Variants in ADA2 observed in about 807,000 individuals in gnomAD.
The protein encoded by ADA2 is adenosine deaminase 2.
In ADA2, 29 loss-of-function variants were observed where a neutral mutation model predicts 44.2. The ratio of observed to expected loss-of-function variants is 0.66; its 90% CI spans 0.49 to 0.89. The LOEUF (loss-of-function observed/expected upper bound fraction) is 0.89, where lower values mean the gene tolerates loss of function less well. Among genes scored for constraint, ADA2 ranks in the 40% least tolerant of loss-of-function variants. The pLI is 0.00. For synonymous variants in ADA2, 215 were observed against 234.9 expected (o/e 0.92, Z 0.77); for missense variants, 637 against 644.8 (o/e 0.99, Z 0.13).
chr22:17,181,627 C>A, intron 9 of ADA2, 51 bp from the exon 10 acceptor site: 1 of 1,337,548 alleles, frequency 7.5e-7, no homozygotes, highest in Admixed American at 1.7e-5. Flanking sequence ...GGTTGGGGAA[C>A]GGGGCAGGGA....
intron 4 of ADA2, chr22:17,192,866 G>A (rs998315739): frequency 3.6e-5 from 16 of 443,408 alleles, no homozygotes; most frequent in African/African-American, 1.9e-4. Flanking sequence ...CTTCCTCGGC[G>A]CTGCCTACAG....
At chr22:17,205,166 T>C (rs1480544230) in intron 3 of ADA2, among the ~76,000 whole-genome samples, 2 of 152,108 alleles carry the variant, frequency 1.3e-5, no homozygotes, top group African/African-American at 4.8e-5. Flanking sequence ...TACAGGTGGC[T>C]GCCAGCATGC....
chr22:17,211,121 G>C (rs1176860359), intron 1 of ADA2, among the ~76,000 whole-genome samples: 1 of 152,094 alleles, frequency 6.6e-6, no homozygotes. Context: ...CAACACTTCA[G>C]GAGGCCGAGG....
chr22:17,183,459 T>A lies in ADA2; in HGVS notation c.1082-698A>T, dbSNP rs1299509412. 3.7e-4 allele frequency among the ~76,000 whole-genome samples: 52 copies of A among 140,502 alleles called. 2 individuals are homozygous for A. Among genetic ancestry groups the A allele is most frequent in the African/African-American group, 6.4e-4 (24 of 37,780 alleles). The allele number at this position is 140,502 out of a possible 152,430, so 92.2% of individuals were successfully genotyped here. A position where few individuals can be genotyped will look rare whatever the true frequency, so the allele number is the denominator to read the frequency against. On this transcript the variant is annotated intron_variant, in intron 7 of 9. Coordinates refer to ENST00000399837, the MANE Select transcript of ADA2 (RefSeq NM_001282225.2). The stretch of plus-strand genomic sequence containing the variant: ...CTTCTTCCTCTTTTGTGGCACTCTT[T>A]TTTTTTTTTTTTTTTTTTTGAGACG...
intron 2 of ADA2, 115 bp from the exon 3 acceptor site, chr22:17,207,405 G>A (rs940470251): frequency 9.7e-6 from 7 of 722,842 alleles, no homozygotes; most frequent in African/African-American, 3.5e-5. Flanking sequence ...GGGCTGTGGG[G>A]ACAAAGGGGT....
chr22:17,194,257 C>T (rs1274597682), intron 4 of ADA2, among the ~76,000 whole-genome samples: 1 of 152,104 alleles, frequency 6.6e-6, no homozygotes, highest in East Asian at 1.9e-4. Flanking sequence ...AATGCCCTTC[C>T]TCCTCCCGGG....
chr22:17,195,385 CG>C (rs2062176985), intron 4 of ADA2, among the ~76,000 whole-genome samples: 1 of 151,948 alleles, frequency 6.6e-6, no homozygotes, highest in Admixed American at 6.6e-5. Context: ...AACAATTAGC[CG>C]GGCGTGGTGG....
upstream of ADA2, chr22:17,219,660 G>GTTTTTT (rs1476817588): frequency 3.5e-5 from 3 of 86,940 alleles, no homozygotes; most frequent in African/African-American, 1.1e-4. Flanking sequence ...GTGCATGTGG[G>GTTTTTT]GTTTGTTTTT....
rs71200247 is a variant in ADA2, at chr22:17,201,967, CTTTTTTTT to C, written c.753+1588_753+1595del. ...AAAATCAAATTTTTTTTTCTTTTTTCTTTTTTTTTTTTTTTTTTTTTTGAGACGGAGTC... is the reference window on the plus strand; with the variant it reads ...AAAATCAAATTTTTTTTTCTTTTTTCTTTTTTTTTTTTTTGAGACGGAGTC... On this transcript the variant is annotated intron_variant, in intron 4 of 9. Transcript: ENST00000399837. Among the ~76,000 whole-genome samples the C allele has an allele frequency of 2.2e-4, 23 of 103,112 alleles. No individual in the cohort carries two copies. In the South Asian group the frequency reaches 2.7e-3, roughly 12 times the overall value. The allele number at this position is 103,112 out of a possible 152,430, so 67.6% of individuals were successfully genotyped here.
intron 6 of ADA2, chr22:17,188,868 A>AAAAAAAAAAAAAT: frequency 3.7e-5 from 3 of 81,182 alleles, no homozygotes; most frequent in Non-Finnish European, 5.4e-5. Context: ...AAGAGCAAAA[A>AAAAAAAAAAAAAT]ATATATATAT....
chr22:17,199,676 T>C (rs2062249313), intron 4 of ADA2: 2 of 1,599,672 alleles, frequency 1.3e-6, no homozygotes, highest in African/African-American at 2.7e-5. Flanking sequence ...CCCAGCGCGG[T>C]GAGGAAAGCG....
Position 17,181,958 on chromosome 22 carries a change from GGGT to G in ADA2, c.1301_1303del (p.His434del), listed in dbSNP as rs758232786. The G allele has an allele frequency of 1.2e-6, 2 of 1,614,172 alleles. No homozygotes were observed. The highest frequency in any genetic ancestry group is 3.3e-5 in the Admixed American group (2 of 60,010). ...TGGGTCATCAGAGCTGATCACCATG[GGGT>G]GCCCAGTGGCCATCAGAGTGGCTAC... On this transcript the variant is annotated inframe_deletion, in exon 9 of 10. Transcript: ENST00000399837.
intron 7 of ADA2, among the ~76,000 whole-genome samples, chr22:17,183,362 C>T (rs1414045163): frequency 3.3e-5 from 5 of 151,580 alleles, no homozygotes; most frequent in Non-Finnish European, 5.9e-5. Context: ...GGATTACAGG[C>T]GTGAGCCGCC....
chr22:17,221,436 C>A (rs1420005886), upstream of ADA2, among the ~76,000 whole-genome samples: 1 of 152,150 alleles, frequency 6.6e-6, no homozygotes, highest in South Asian at 2.1e-4. Context: ...ATCCCTCCCC[C>A]AGCCCCGACC....
chr22:17,199,431 T>TCTATCCTCTTCCCCTCCCACCCCACCA, intron 4 of ADA2: 19 of 930,042 alleles, frequency 2.0e-5, no homozygotes, highest in East Asian at 7.7e-5. Flanking sequence ...CCTCCCCTCC[T>TCTATCCTCTTCCCCTCCCACCCCACCA]CTATCCTCTT....
intron 4 of ADA2, among the ~76,000 whole-genome samples, chr22:17,201,412 A>G (rs2062286173): frequency 6.6e-6 from 1 of 152,296 alleles, no homozygotes; most frequent in Middle Eastern, 3.4e-3. Context: ...AGCCTACAGA[A>G]TATGCTAACA....
rs1423551000 is a variant in ADA2 at position 17,182,778 on chromosome 22, G to A, written c.1082-17C>T. 3 of 1,546,678 alleles carry A rather than the reference G, an allele frequency of 1.9e-6. No homozygotes were observed. The highest frequency in any genetic ancestry group is 2.3e-5 in the South Asian group (2 of 88,320). On this transcript the variant is annotated splice_polypyrimidine_tract_variant and intron_variant, in intron 7 of 9. Coordinates refer to ENST00000399837, the MANE Select transcript of ADA2 (RefSeq NM_001282225.2). Reference sequence around the variant, plus strand: ...CCTGCCAGTCTGAACACACGGGAATGGTCTTCCATGGGGGATGGATGGGTC... The same window carrying A: ...CCTGCCAGTCTGAACACACGGGAATAGTCTTCCATGGGGGATGGATGGGTC...
intron 4 of ADA2, chr22:17,192,932 C>T: frequency 3.4e-6 from 2 of 581,682 alleles, no homozygotes. Flanking sequence ...CCTTGTGAAG[C>T]CTGATTGTCA....
chr22:17,219,732 T>C (rs1369055262), upstream of ADA2: 3 of 131,330 alleles, frequency 2.3e-5, no homozygotes, highest in South Asian at 5.5e-4. Context: ...TGGAGTGCAA[T>C]GGCGCAATCT....
Sources: gnomAD v4.1 joint callset for allele counts (sites outside exome capture counted in the v4.1 genomes callset) on GRCh38, gnomAD v4.1.1 for gene constraint, MANE v1.5 for transcripts, NCBI Gene and HGNC (gene_info 2026-07-23, HGNC 2026-07-21) for gene names.